RPS6KC1: variants seen among roughly 807,000 people sequenced by gnomAD.
The protein encoded by RPS6KC1 is inactive ribosomal protein S6 kinase delta-1.
In RPS6KC1, 54 loss-of-function variants were observed where a neutral mutation model predicts 103.8. The observed-to-expected ratio is 0.52, with a 90% confidence interval of 0.42 to 0.65. The LOEUF (loss-of-function observed/expected upper bound fraction) is 0.65. Ranked by LOEUF, RPS6KC1 falls within the 30% of genes least tolerant of loss-of-function variation. The pLI is 0.00. For missense variants in RPS6KC1, 1,151 were observed against 1,253.8 expected (o/e 0.92, Z 1.24); for synonymous variants, 439 against 438.7 (o/e 1.00, Z -0.01).
At chr1:213,172,678 T>G (rs960149450) in intron 7 of RPS6KC1, among the ~76,000 whole-genome samples, 1 of 152,034 alleles carries the variant, frequency 6.6e-6, no homozygotes, top group African/African-American at 2.4e-5. Context: ...AGCATTGTAT[T>G]GAGAAGAGTT....
At chr1:213,683,186 C>T in the RPS6KC1 span, among the ~76,000 whole-genome samples, 33 of 152,318 alleles carry the variant, frequency 2.2e-4, no homozygotes, top group African/African-American at 7.7e-4. Context: ...TGATTTCTCT[C>T]TGGAATCTCA....
At chr1:213,593,573 A>G in the RPS6KC1 span, among the ~76,000 whole-genome samples, 1 of 152,224 alleles carries the variant, frequency 6.6e-6, no homozygotes, top group Non-Finnish European at 1.5e-5. Flanking sequence ...TAGGTCCTAA[A>G]CAGTGAACTG....
chr1:213,227,325 C>T (rs1036172622), intron 8 of RPS6KC1, among the ~76,000 whole-genome samples: 11 of 152,168 alleles, frequency 7.2e-5, no homozygotes, highest in Non-Finnish European at 1.6e-4. Flanking sequence ...ATTCACTAAC[C>T]GTATGTTTAT....
chr1:213,122,773 T>C lies in RPS6KC1; in HGVS notation c.472+5363T>C, dbSNP rs550119613. On this transcript the variant is annotated intron_variant, in intron 5 of 14. Coordinates refer to ENST00000366960, the MANE Select transcript of RPS6KC1 (RefSeq NM_012424.6). ...CTTGAAGAGATTCTTTTTTCTGTTA[T>C]GTGCTTATTTACCCAACTTATTTTT... 2.0e-5 allele frequency among the ~76,000 whole-genome samples: 3 copies of C among 152,312 alleles called. No individual in the cohort carries two copies. The South Asian group carries it at 6.2e-4, about 32-fold the overall frequency.
chr1:213,698,069 A>G, the RPS6KC1 span, among the ~76,000 whole-genome samples: 2 of 152,326 alleles, frequency 1.3e-5, no homozygotes, highest in African/African-American at 4.8e-5. Flanking sequence ...CCAACTTACA[A>G]TAGTTCAACT....
chr1:213,502,290 A>C, the RPS6KC1 span, among the ~76,000 whole-genome samples: 587 of 152,306 alleles, frequency 3.9e-3, 3 homozygotes, highest in African/African-American at 0.013. Context: ...TCCAATCCAC[A>C]ATAAACAAAA....
intron 5 of RPS6KC1, among the ~76,000 whole-genome samples, chr1:213,122,692 GTATTTT>G (rs1478933495): frequency 6.6e-6 from 1 of 152,086 alleles, no homozygotes; most frequent in African/African-American, 2.4e-5. Context: ...CTTGTTACTG[GTATTTT>G]TCTAGGCCCT....
intron 3 of RPS6KC1, among the ~76,000 whole-genome samples, chr1:213,093,212 T>C (rs2148672955): frequency 6.6e-6 from 1 of 151,270 alleles, no homozygotes; most frequent in Admixed American, 6.6e-5. Flanking sequence ...AATCTACTTT[T>C]TTTTTTTTTT....
At chr1:213,336,993 A>G in the RPS6KC1 span, among the ~76,000 whole-genome samples, 1 of 152,166 alleles carries the variant, frequency 6.6e-6, no homozygotes, top group African/African-American at 2.4e-5. Flanking sequence ...GAGTTCTTTG[A>G]GTGAAGGCAT....
the RPS6KC1 span, among the ~76,000 whole-genome samples, chr1:213,688,463 G>A: frequency 1.3e-5 from 2 of 152,190 alleles, no homozygotes; most frequent in Non-Finnish European, 2.9e-5. Flanking sequence ...AAGTACTTCT[G>A]AACATGGCCG....
the RPS6KC1 span, among the ~76,000 whole-genome samples, chr1:213,307,723 T>G: frequency 6.6e-6 from 1 of 152,284 alleles, no homozygotes; most frequent in East Asian, 1.9e-4. Flanking sequence ...GGGCATCTTC[T>G]CAGCCTGGGC....
At chr1:213,124,744 A>G (rs997694894) in intron 5 of RPS6KC1, among the ~76,000 whole-genome samples, 1 of 152,298 alleles carries the variant, frequency 6.6e-6, no homozygotes, top group South Asian at 2.1e-4. Flanking sequence ...GGAATTTAGA[A>G]ACTGCTTAAA....
At chr1:213,394,152 A>G in the RPS6KC1 span, among the ~76,000 whole-genome samples, 1 of 152,086 alleles carries the variant, frequency 6.6e-6, no homozygotes, top group Non-Finnish European at 1.5e-5. Flanking sequence ...GGAAGGGGCA[A>G]TACAGTTGGC....
chr1:213,781,856 G>A, the RPS6KC1 span, among the ~76,000 whole-genome samples: 1 of 152,128 alleles, frequency 6.6e-6, no homozygotes, highest in African/African-American at 2.4e-5. Flanking sequence ...GGTTCGTTGT[G>A]GCTCAGTCCA....
chr1:213,474,724 G>A, the RPS6KC1 span, among the ~76,000 whole-genome samples: 3 of 151,924 alleles, frequency 2.0e-5, no homozygotes, highest in Non-Finnish European at 4.4e-5. Context: ...TCTTAGGCTC[G>A]GTTGTCTAAA....
At chr1:213,483,772 G>A in the RPS6KC1 span, among the ~76,000 whole-genome samples, 1 of 152,224 alleles carries the variant, frequency 6.6e-6, no homozygotes, top group African/African-American at 2.4e-5. Context: ...TGATGAGAAG[G>A]CAGCAGTGGA....
the RPS6KC1 span, among the ~76,000 whole-genome samples, chr1:213,834,175 G>T: frequency 6.6e-6 from 1 of 152,086 alleles, no homozygotes; most frequent in Non-Finnish European, 1.5e-5. Flanking sequence ...AAGTAGCTGG[G>T]ACTACAGGTA....
chr1:213,165,796 A>T (rs2090912302), intron 6 of RPS6KC1, among the ~76,000 whole-genome samples: 1 of 152,124 alleles, frequency 6.6e-6, no homozygotes, highest in Non-Finnish European at 1.5e-5. Context: ...ACCTCAGGTG[A>T]TCCATCTGCC....
the RPS6KC1 span, among the ~76,000 whole-genome samples, chr1:213,558,331 C>T: frequency 6.6e-6 from 1 of 152,202 alleles, no homozygotes; most frequent in Non-Finnish European, 1.5e-5. Context: ...TCAGCCCTGG[C>T]TTGCGGCACC....
Sources: allele counts gnomAD v4.1 joint callset (sites outside exome capture counted in the v4.1 genomes callset), GRCh38; gene constraint gnomAD v4.1.1; transcripts MANE v1.5; gene names NCBI Gene and HGNC (gene_info 2026-07-23, HGNC 2026-07-21).